The following KCNT1 variants were observed in gnomAD, a reference collection of about 807,000 sequenced individuals.
KCNT1 encodes the protein potassium channel subfamily T member 1.
KCNT1 carries 78 observed loss-of-function variants against 147.8 expected under a neutral mutation model. The ratio of observed to expected loss-of-function variants is 0.53; its 90% CI spans 0.44 to 0.64. KCNT1 has a LOEUF of 0.64. KCNT1 is among the 30% of genes least tolerant of loss of function. KCNT1 has a pLI of 0.00. For synonymous variants in KCNT1, 867 were observed against 748.8 expected, an observed-to-expected ratio of 1.16 and a Z score of -2.58; for missense variants, 1,419 against 1,750.3, an observed-to-expected ratio of 0.81 and a Z score of 3.38.
intron 29 of KCNT1, chr9:135,788,966 G>A (rs1308689288): frequency 6.6e-6 from 1 of 151,892 alleles, no homozygotes; most frequent in Non-Finnish European, 1.5e-5. Flanking sequence ...TAGCTCGGGA[G>A]GGACCTGTTT....
In KCNT1 at chr9:135,759,814, G is replaced by A. The variant is rs1400298727; in HGVS notation, c.990G>A (p.Leu330=). The change falls in exon 11 of 31, where the codon CTG becomes CTA. Residue 330 remains leucine, a synonymous_variant. Coordinates refer to ENST00000371757, the MANE Select transcript of KCNT1 (RefSeq NM_020822.3). ...VTPKIWPSQL[L]VVIMICVALV... is the part of the protein sequence containing the mutation. ...CCAAGATCTGGCCATCGCAGCTGCT[G>A]GTGGTCATCATGATCTGCGTGGCCC... The A allele has an allele frequency of 6.2e-7, 1 of 1,613,204 alleles. No homozygotes were observed. Among genetic ancestry groups the A allele is most frequent in the Non-Finnish European group, 8.5e-7 (1 of 1,179,742 alleles).
intron 2 of KCNT1, among the ~76,000 whole-genome samples, chr9:135,733,139 ACTATG>A (rs1830176585): frequency 2.0e-5 from 3 of 151,538 alleles, no homozygotes; most frequent in African/African-American, 7.3e-5. Flanking sequence ...TCCAGTTCTT[ACTATG>A]CTTGTTTGTT....
intron 18 of KCNT1, 110 bp downstream of exon 18, chr9:135,771,205 G>T: frequency 3.0e-6 from 3 of 1,015,774 alleles, no homozygotes; most frequent in Non-Finnish European, 4.3e-6. Flanking sequence ...AGGACAGGGG[G>T]AGGTGACCAG....
At position 135,730,051 on chromosome 9, in the gene KCNT1, C is replaced by T. The variant is rs1836367525; in HGVS notation, c.254+15331C>T. On this transcript the variant is annotated intron_variant, in intron 2 of 30. Transcript: ENST00000371757. This position sits in a 1 kb window ranked among gnomAD's most constrained non-coding sequence, Gnocchi z 4.7. Reference sequence around the variant, plus strand: ...CTTTTTCTCTTCCTCCCTCCATCAGCGTTACCCACATTCTCCTCTGCACTG... The same window carrying T: ...CTTTTTCTCTTCCTCCCTCCATCAGTGTTACCCACATTCTCCTCTGCACTG... 1.3e-5 allele frequency among the ~76,000 whole-genome samples: 2 copies of T among 152,330 alleles called. No individual in the cohort carries two copies. The highest frequency in any genetic ancestry group is 1.9e-4 in the East Asian group (1 of 5,184).
At chr9:135,735,436 C>T (rs193074305) in intron 2 of KCNT1, among the ~76,000 whole-genome samples, 4 of 152,286 alleles carry the variant, frequency 2.6e-5, no homozygotes, top group South Asian at 2.1e-4. Context: ...AGGGACCTGC[C>T]GCTGGAGTTT....
rs1464834508 is a variant in KCNT1, at chr9:135,702,378, GC to G, written c.110+11del. ...GCCAATGCGCCCCCAGGTACAGTCT[GC>G]TGCGCCCTCCCCACGCGGGGAGGCC... On this transcript the variant is annotated intron_variant, in intron 1 of 30. Coordinates refer to ENST00000371757, the MANE Select transcript of KCNT1 (RefSeq NM_020822.3). 5 of 1,603,692 alleles carry G rather than the reference GC, an allele frequency of 3.1e-6. No homozygotes were observed. The African/African-American group carries it at 6.8e-5, about 22-fold the overall frequency.
intron 5 of KCNT1, among the ~76,000 whole-genome samples, chr9:135,754,484 G>A (rs1435438506): frequency 6.6e-6 from 1 of 152,190 alleles, no homozygotes; most frequent in East Asian, 1.9e-4. Context: ...GGCAGGCAGT[G>A]GGAGGTGACT....
intron 19 of KCNT1, among the ~76,000 whole-genome samples, chr9:135,774,374 G>GGTGT (rs1320166059): frequency 2.8e-5 from 4 of 145,244 alleles, no homozygotes; most frequent in Non-Finnish European, 4.5e-5. Flanking sequence ...GTCTGTGTGT[G>GGTGT]GTGTGTGTTG....
intron 18 of KCNT1, among the ~76,000 whole-genome samples, chr9:135,772,042 A>C (rs1384228486): frequency 2.0e-5 from 3 of 152,254 alleles, no homozygotes; most frequent in African/African-American, 7.2e-5. Flanking sequence ...GGAGCCCACC[A>C]CCTGCCAGAC....
Position 135,714,596 on chromosome 9 carries a change from G to C in KCNT1, c.130G>C (p.Gly44Arg), listed in dbSNP as rs773228285. The C allele has an allele frequency of 7.2e-7, 1 of 1,395,890 alleles. No individual in the cohort carries two copies. Among genetic ancestry groups the C allele is most frequent in the Non-Finnish European group, 9.4e-7 (1 of 1,058,794 alleles). 86.5% of individuals were successfully genotyped at this position (1,395,890 alleles called of 1,614,324 possible). ...CAPRRPCAGD[G>R]ALLDTAGFKM... Reference sequence around the variant, plus strand: ...CCGCAGGCGGCCCTGCGCGGGGGACGGCGCGCTCCTGGACACCGCCGGCTT... The same window carrying C: ...CCGCAGGCGGCCCTGCGCGGGGGACCGCGCGCTCCTGGACACCGCCGGCTT... Residue 44 changes from glycine to arginine, a missense_variant, in exon 2 of 31, where the codon GGC becomes CGC. Around this residue, in one of 5 missense-constraint regions of KCNT1, gnomAD observed 181 missense variants for 155.7 expected, o/e 1.16. Coordinates refer to ENST00000371757, the MANE Select transcript of KCNT1 (RefSeq NM_020822.3). This position sits in a 1 kb window ranked among gnomAD's most constrained non-coding sequence, Gnocchi z 6.2.
chr9:135,765,961 G>A (rs373800403), intron 13 of KCNT1, among the ~76,000 whole-genome samples: 3 of 152,152 alleles, frequency 2.0e-5, no homozygotes, highest in Non-Finnish European at 4.4e-5. Context: ...GATCGTCTGG[G>A]GTGGACCATT....
intron 21 of KCNT1, 101 bp from the exon 22 acceptor site, chr9:135,778,323 T>C: frequency 1.8e-6 from 2 of 1,090,414 alleles, no homozygotes; most frequent in Non-Finnish European, 2.7e-6. Flanking sequence ...GGGGAACCCC[T>C]GCCTGGCCCA....
intron 10 of KCNT1, 67 bp downstream of exon 10, chr9:135,758,575 G>A: frequency 7.7e-7 from 1 of 1,292,982 alleles, no homozygotes; most frequent in Non-Finnish European, 1.1e-6. Context: ...AGCAGGGCCG[G>A]GCGAGGGGAT....
chr9:135,770,737 C>G lies in KCNT1; in HGVS notation c.1770-120C>G. On this transcript the variant is annotated intron_variant, in intron 17 of 30. Coordinates refer to ENST00000371757, the MANE Select transcript of KCNT1 (RefSeq NM_020822.3). ...AGCCAAGGTCCCTGACCCCAAATGG[C>G]CCCCAGGAGGAAGACGCGGAGCTCC... 3 of 1,019,560 alleles carry G rather than the reference C, an allele frequency of 2.9e-6. No individual in the cohort carries two copies. The Admixed American group carries it at 7.1e-5, about 24-fold the overall frequency. 63.2% of individuals were successfully genotyped at this position (1,019,560 alleles called of 1,614,324 possible). A position where few individuals can be genotyped will look rare whatever the true frequency, so the allele number is the denominator to read the frequency against.
chr9:135,759,576 G>C, intron 10 of KCNT1, 103 bp from the exon 11 acceptor site: 1 of 1,293,646 alleles, frequency 7.7e-7, no homozygotes, highest in Non-Finnish European at 1.0e-6. Flanking sequence ...GCACAGCTCA[G>C]TCTCCTGGGC....
chr9:135,732,921 G>T (rs770955300), intron 2 of KCNT1, among the ~76,000 whole-genome samples: 12 of 151,978 alleles, frequency 7.9e-5, no homozygotes, highest in Non-Finnish European at 7.4e-5. Flanking sequence ...TCCCCAGCCA[G>T]ACAGTGACCA....
rs780892917 is a variant in KCNT1, at chr9:135,770,917, G to A, written c.1830G>A (p.Pro610=). The change falls in exon 18 of 31, where the codon CCG becomes CCA. Residue 610 remains proline (P), a synonymous_variant. Transcript: ENST00000371757. ...REDNKSILLN[P]GPRHILAASD... Reference sequence around the variant, plus strand: ...ACAACAAGAGCATCCTGCTGAACCCGGGGCCCCGGCACATCCTGGCCGCCT... The same window carrying A: ...ACAACAAGAGCATCCTGCTGAACCCAGGGCCCCGGCACATCCTGGCCGCCT... The A allele has an allele frequency of 5.2e-5, 83 of 1,610,216 alleles. 3 individuals are homozygous for A. The South Asian group carries it at 7.2e-4, about 14-fold the overall frequency.
At chr9:135,745,288 G>A (rs573473494) in intron 2 of KCNT1, among the ~76,000 whole-genome samples, 11 of 152,242 alleles carry the variant, frequency 7.2e-5, no homozygotes, top group Admixed American at 1.3e-4. Flanking sequence ...GGGAGTTCTC[G>A]GTCATCTCCC....
At chr9:135,760,433 G>A (rs1304952077) in intron 11 of KCNT1, among the ~76,000 whole-genome samples, 1 of 152,204 alleles carries the variant, frequency 6.6e-6, no homozygotes, top group Admixed American at 6.5e-5. Context: ...CCACCCTGGA[G>A]GGACCCTGCT....
Sources: allele counts gnomAD v4.1 joint callset (sites outside exome capture counted in the v4.1 genomes callset), GRCh38; gene constraint gnomAD v4.1.1; regional missense constraint gnomAD v4.1.1; non-coding constraint Gnocchi (gnomAD v3.1); transcripts MANE v1.5; gene names NCBI Gene and HGNC (gene_info 2026-07-23, HGNC 2026-07-21).